The following EFNA3 variants were observed in gnomAD, a reference collection of about 807,000 sequenced individuals.
The protein encoded by EFNA3 is ephrin-A3.
EFNA3 carries 15 observed loss-of-function variants against 25.0 expected under a neutral mutation model. The observed-to-expected ratio is 0.60, with a 90% CI of 0.40 to 0.92. The LOEUF is 0.92. EFNA3 is among the 40% of genes least tolerant of loss of function. The pLI, the probability that EFNA3 is intolerant of heterozygous loss-of-function variation, is 0.00. For synonymous variants in EFNA3, 153 were observed against 145.6 expected, an observed-to-expected ratio of 1.05 and a Z score of -0.37; for missense variants, 298 against 323.8, an observed-to-expected ratio of 0.92 and a Z score of 0.61.
chr1:155,086,321 G>A (rs1663461289), intron 4 of EFNA3, 92 bp from the exon 5 acceptor site: 2 of 1,593,782 alleles, frequency 1.3e-6, no homozygotes, highest in East Asian at 2.2e-5. Flanking sequence ...CCCTGTGGGT[G>A]GTCACGTCCC....
Position 155,085,152 on chromosome 1 carries a change from C to T in EFNA3, c.190C>T (p.Pro64Ser), listed in dbSNP as rs368422388. The change falls in exon 2 of 5, where the codon CCG becomes TCG. Residue 64 changes from proline (P) to serine (S), a missense_variant. Transcript: ENST00000368408. The surrounding 1 kb of genome is among the most constrained non-coding windows in gnomAD (Gnocchi z 4.4). ...NVNDYLDIYC[P>S]HYNSSGVGPG... The stretch of plus-strand genomic sequence containing the variant: ...GAACGACTATCTGGATATTTACTGC[C>T]CGCACTACAACAGCTCGGGGGTGGG... The T allele has an allele frequency of 1.9e-6, 3 of 1,613,450 alleles. No individual in the cohort carries two copies. Among genetic ancestry groups the T allele is most frequent in the Non-Finnish European group, 2.5e-6 (3 of 1,180,018 alleles).
chr1:155,085,093 T>G lies in EFNA3; in HGVS notation c.131T>G (p.Leu44Arg). 6.2e-7 allele frequency: 1 copy of G among 1,613,520 alleles called. No individual in the cohort carries two copies. The highest frequency in any genetic ancestry group is 8.5e-7 in the Non-Finnish European group (1 of 1,179,906). ...GAGCCGCTTCCTCTTCCCCACAGCC[T>G]GCGGCGAGAGGGCTACACCGTGCAG... ...AVYWNSSNQH[L>R]RREGYTVQVN... is the part of the protein sequence containing the mutation. The change falls in exon 2 of 5, where the codon CTG becomes CGG. Residue 44 changes from leucine (L) to arginine (R), a missense_variant and splice_region_variant. Coordinates refer to ENST00000368408, the MANE Select transcript of EFNA3 (RefSeq NM_004952.5). This position sits in a 1 kb window ranked among gnomAD's most constrained non-coding sequence, Gnocchi z 4.4.
intron 4 of EFNA3, 74 bp from the exon 5 acceptor site, chr1:155,086,339 A>C: frequency 6.8e-7 from 1 of 1,468,414 alleles, no homozygotes. Context: ...CCCTGGCTCC[A>C]TTGCTGCTGC....
rs1663303010 is a variant in EFNA3 at position 155,079,593 on chromosome 1, G to T, written c.128+524G>T. 6.6e-6 allele frequency among the ~76,000 whole-genome samples: 1 copy of T among 152,160 alleles called. No individual in the cohort carries two copies. Among genetic ancestry groups the T allele is most frequent in the Non-Finnish European group, 1.5e-5 (1 of 68,028 alleles). On this transcript the variant is annotated intron_variant, in intron 1 of 4. Transcript: ENST00000368408. The surrounding 1 kb of genome is among the most constrained non-coding windows in gnomAD (Gnocchi z 7.7). ...TTGTCTTGGTTGTGTGGATAAGCCC[G>T]GCTAGGGTGAGCTAGGGCTGGGTCG...
chr1:155,086,602 C>T lies in EFNA3; in HGVS notation c.*59C>T. The T allele has an allele frequency of 6.3e-7, 1 of 1,595,214 alleles. No individual in the cohort carries two copies. The highest frequency in any genetic ancestry group is 8.5e-7 in the Non-Finnish European group (1 of 1,171,054). ...GCGGGGCTTGGAAGGAGCAGGGAGC[C>T]TTTGGCCTCTCCAAGGGAAGCCTAG... On this transcript the variant is annotated 3_prime_UTR_variant, in exon 5 of 5. Transcript: ENST00000368408.
In EFNA3 at chr1:155,086,115, C is replaced by T. The variant is rs776959071; in HGVS notation, c.509-13C>T. On this transcript the variant is annotated splice_polypyrimidine_tract_variant and intron_variant, in intron 3 of 4. Coordinates refer to ENST00000368408, the MANE Select transcript of EFNA3 (RefSeq NM_004952.5). ...CTCCCCTCCTCTCTCCCCACCCGCA[C>T]CCCACCCCGCAGCATCGCACTCCGG... 2.5e-6 allele frequency: 4 copies of T among 1,605,192 alleles called. No homozygotes were observed. Among genetic ancestry groups the T allele is most frequent in the Non-Finnish European group, 3.4e-6 (4 of 1,173,336 alleles).
Position 155,085,553 on chromosome 1 carries a change from C to T in EFNA3, c.442+149C>T. Reference sequence around the variant, plus strand: ...AGGGAGGAGGCGTGGGCACGGGACGCCTGAGGGGTTCAGCTCAGACGAGGT... The same window carrying T: ...AGGGAGGAGGCGTGGGCACGGGACGTCTGAGGGGTTCAGCTCAGACGAGGT... On this transcript the variant is annotated intron_variant, in intron 2 of 4. Coordinates refer to ENST00000368408, the MANE Select transcript of EFNA3 (RefSeq NM_004952.5). The surrounding 1 kb of genome is among the most constrained non-coding windows in gnomAD (Gnocchi z 4.4). 1 of 1,004,636 alleles carries T rather than the reference C, an allele frequency of 1.0e-6. No homozygotes were observed. The highest frequency in any genetic ancestry group is 1.4e-6 in the Non-Finnish European group (1 of 704,752). The allele number at this position is 1,004,636 out of a possible 1,614,324, so 62.2% of individuals were successfully genotyped here. A position where few individuals can be genotyped will look rare whatever the true frequency, so the allele number is the denominator to read the frequency against.
Position 155,078,944 on chromosome 1 carries a change from GGC to G in EFNA3, c.5_6del (p.Ala2GlyfsTer197). Reference sequence around the variant, plus strand: ...CGGCGGCGGCGGCGGCTCCGGGGATGGCGGCGGCTCCGCTGCTGCTGCTGCTG... The same window carrying G: ...CGGCGGCGGCGGCGGCTCCGGGGATGGGCGGCTCCGCTGCTGCTGCTGCTG... M[A>X]AAPLLLLLLL... On this transcript the variant is annotated frameshift_variant, in exon 1 of 5. Transcript: ENST00000368408. LOFTEE classifies it high-confidence loss of function. 7.1e-7 allele frequency: 1 copy of G among 1,404,612 alleles called. No individual in the cohort carries two copies. Among genetic ancestry groups the G allele is most frequent in the Non-Finnish European group, 9.3e-7 (1 of 1,079,316 alleles). The allele number at this position is 1,404,612 out of a possible 1,614,324, so 87.0% of individuals were successfully genotyped here. A position where few individuals can be genotyped will look rare whatever the true frequency, so the allele number is the denominator to read the frequency against.
intron 1 of EFNA3, 114 bp from the exon 2 acceptor site, chr1:155,084,977 G>C: frequency 8.1e-7 from 1 of 1,238,112 alleles, no homozygotes; most frequent in Non-Finnish European, 1.1e-6. Context: ...GAGGAAGCTC[G>C]GAGGAAAAGT....
chr1:155,086,457 A>T lies in EFNA3; in HGVS notation c.631A>T (p.Ser211Cys), dbSNP rs944610137. 6.2e-7 allele frequency: 1 copy of T among 1,613,936 alleles called. No individual in the cohort carries two copies. Among genetic ancestry groups the T allele is most frequent in the Non-Finnish European group, 8.5e-7 (1 of 1,179,972 alleles). Reference sequence around the variant, plus strand: ...CCCTCAGGTGCCCAAGCTTGAGAAGAGCATCAGCGGGACCAGCCCCAAACG... The same window carrying T: ...CCCTCAGGTGCCCAAGCTTGAGAAGTGCATCAGCGGGACCAGCCCCAAACG... ...ENPQVPKLEK[S>C]ISGTSPKREH... The change falls in exon 5 of 5, where the codon AGC becomes TGC. Residue 211 changes from serine to cysteine, a missense_variant. By Grantham distance (112) the Ser-to-Cys change is moderately radical (BLOSUM62 -1). Transcript: ENST00000368408.
chr1:155,085,424 C>G lies in EFNA3; in HGVS notation c.442+20C>G. The G allele has an allele frequency of 6.5e-7, 1 of 1,543,040 alleles. No homozygotes were observed. Among genetic ancestry groups the G allele is most frequent in the East Asian group, 2.3e-5 (1 of 43,092 alleles). On this transcript the variant is annotated intron_variant, in intron 2 of 4. Coordinates refer to ENST00000368408, the MANE Select transcript of EFNA3 (RefSeq NM_004952.5). The surrounding 1 kb of genome is among the most constrained non-coding windows in gnomAD (Gnocchi z 4.4). ...ACATCTGTGAGTGACGGCGGCCGGG[C>G]GGGCGGGTCTGAACGCGAGAGTCTG... is the stretch of plus-strand genomic sequence containing the variant.
In EFNA3 at chr1:155,080,151, G is replaced by T. The variant is rs1359476355; in HGVS notation, c.128+1082G>T. ...GGACGCGGGGGTCACTGTCACACCT[G>T]CCCGGGCGGTGGCGGCAGCACTGCC... is the stretch of plus-strand genomic sequence containing the variant. On this transcript the variant is annotated intron_variant, in intron 1 of 4. Coordinates refer to ENST00000368408, the MANE Select transcript of EFNA3 (RefSeq NM_004952.5). The surrounding 1 kb of genome is among the most constrained non-coding windows in gnomAD (Gnocchi z 7.0). Among the ~76,000 whole-genome samples the T allele has an allele frequency of 6.6e-6, 1 of 152,132 alleles. No homozygotes were observed.
chr1:155,079,173 C>A lies in EFNA3; in HGVS notation c.128+104C>A. 2 of 1,209,618 alleles carry A rather than the reference C, an allele frequency of 1.7e-6. No individual in the cohort carries two copies. The highest frequency in any genetic ancestry group is 2.1e-6 in the Non-Finnish European group (2 of 949,138). The allele number at this position is 1,209,618 out of a possible 1,614,324, so 74.9% of individuals were successfully genotyped here. On this transcript the variant is annotated intron_variant, in intron 1 of 4. Coordinates refer to ENST00000368408, the MANE Select transcript of EFNA3 (RefSeq NM_004952.5). The surrounding 1 kb of genome is among the most constrained non-coding windows in gnomAD (Gnocchi z 7.7). ...ATCCCGGGGTGGGAGTCCTGGGAGA[C>A]CAGAGCTGGGGGCTGGGAGGGGACG... is the stretch of plus-strand genomic sequence containing the variant.
At chr1:155,086,326 C>T in intron 4 of EFNA3, 87 bp from the exon 5 acceptor site, 1 of 1,593,712 alleles carries the variant, frequency 6.3e-7, no homozygotes, top group Non-Finnish European at 8.6e-7. Flanking sequence ...TGGGTGGTCA[C>T]GTCCCTGGCT....
At chr1:155,086,083 C>T (rs1558145753) in intron 3 of EFNA3, 45 bp from the exon 4 acceptor site, 1 of 1,595,142 alleles carries the variant, frequency 6.3e-7, no homozygotes, top group African/African-American at 1.3e-5. Flanking sequence ...GAATCCTGGC[C>T]CTGACTCTCC....
At position 155,079,512 on chromosome 1, in the gene EFNA3, C is replaced by T. The variant is rs916802164; in HGVS notation, c.128+443C>T. Among the ~76,000 whole-genome samples the T allele has an allele frequency of 6.6e-6, 1 of 152,062 alleles. No individual in the cohort carries two copies. Among genetic ancestry groups the T allele is most frequent in the African/African-American group, 2.4e-5 (1 of 41,398 alleles). On this transcript the variant is annotated intron_variant, in intron 1 of 4. Transcript: ENST00000368408. The surrounding 1 kb of genome is among the most constrained non-coding windows in gnomAD (Gnocchi z 7.7). ...GGACTCCTGCTTTTAAAAGTGGGGT[C>T]CAGAGCTGAGGCAGGGAGTCCGACC... is the stretch of plus-strand genomic sequence containing the variant.
Position 155,080,441 on chromosome 1 carries a change from T to TC in EFNA3, c.128+1379dup, listed in dbSNP as rs977221020. ...ACCTCGGGGGTGGGGACGTGGCCCC[T>TC]CCCCCCCGGAGCGGGACTCCAAGAA... On this transcript the variant is annotated intron_variant, in intron 1 of 4. Transcript: ENST00000368408. This position sits in a 1 kb window ranked among gnomAD's most constrained non-coding sequence, Gnocchi z 7.0. Among the ~76,000 whole-genome samples, 3 of 150,820 alleles carry TC rather than the reference T, an allele frequency of 2.0e-5. No individual in the cohort carries two copies. Among genetic ancestry groups the TC allele is most frequent in the Non-Finnish European group, 3.0e-5 (2 of 67,616 alleles).
chr1:155,087,522 A>T lies in EFNA3; in HGVS notation c.*979A>T, dbSNP rs1212547900. On this transcript the variant is annotated 3_prime_UTR_variant, in exon 5 of 5. Transcript: ENST00000368408. The stretch of plus-strand genomic sequence containing the variant: ...TCTGCTCTTAGTCTAAAAAAAATAA[A>T]CTGGAGATAAAAATAACTGAGTGTG... 6.5e-6 allele frequency: 1 copy of T among 152,792 alleles called. No homozygotes were observed. The highest frequency in any genetic ancestry group is 1.5e-5 in the Non-Finnish European group (1 of 68,074). The allele number at this position is 152,792 out of a possible 1,614,324, so 9.5% of individuals were successfully genotyped here. A position where few individuals can be genotyped will look rare whatever the true frequency, so the allele number is the denominator to read the frequency against.
At position 155,085,367 on chromosome 1, in the gene EFNA3, C is replaced by T. The variant is rs138967579; in HGVS notation, c.405C>T (p.Gly135=). Residue 135 remains glycine (G), a synonymous_variant, in exon 2 of 5, where the codon GGC becomes GGT. Transcript: ENST00000368408. The surrounding 1 kb of genome is among the most constrained non-coding windows in gnomAD (Gnocchi z 4.4). ...AGCGCTACAGCGCCTTCTCTCTGGG[C>T]TACGAGTTCCACGCCGGCCACGAGT... ...KFQRYSAFSL[G]YEFHAGHEYY... 15 of 1,611,112 alleles carry T rather than the reference C, an allele frequency of 9.3e-6. No individual in the cohort carries two copies. Among genetic ancestry groups the T allele is most frequent in the Middle Eastern group, 1.6e-4 (1 of 6,078 alleles).
Sources: gnomAD v4.1 joint callset for allele counts (sites outside exome capture counted in the v4.1 genomes callset) on GRCh38, gnomAD v4.1.1 for gene constraint, Gnocchi (gnomAD v3.1) non-coding constraint, MANE v1.5 for transcripts, NCBI Gene and HGNC (gene_info 2026-07-23, HGNC 2026-07-21) for gene names.